The following TMEM131 variants were observed in gnomAD, a reference collection of about 807,000 sequenced individuals.
TMEM131 encodes transmembrane protein 131.
Under a neutral mutation model 211.6 loss-of-function variants are expected in TMEM131, and 66 were observed. The ratio of observed to expected loss-of-function variants is 0.31; its 90% confidence interval spans 0.26 to 0.38. TMEM131 has a LOEUF of 0.38. TMEM131 is among the 10% of genes least tolerant of loss of function. The pLI is 1.00. For missense variants in TMEM131, 2,036 were observed against 2,299.3 expected (o/e 0.89, Z 2.34); for synonymous variants, 844 against 841.3 (o/e 1.00, Z -0.06).
chr2:97,789,866 C>T (rs75679125), intron 31 of TMEM131, among the ~76,000 whole-genome samples: 1,816 of 152,252 alleles, frequency 0.012, 39 homozygotes, highest in African/African-American at 0.041. Flanking sequence ...CATGAACAGG[C>T]GGCATTTCTG....
intron 3 of TMEM131, among the ~76,000 whole-genome samples, chr2:97,895,890 T>C (rs1405481534): frequency 6.6e-6 from 1 of 152,208 alleles, no homozygotes; most frequent in Non-Finnish European, 1.5e-5. Context: ...ATCTTAGTTA[T>C]TTCTTATCTT....
intron 31 of TMEM131, among the ~76,000 whole-genome samples, chr2:97,791,993 C>G (rs1312856552): frequency 6.6e-6 from 1 of 152,190 alleles, no homozygotes; most frequent in Non-Finnish European, 1.5e-5. Flanking sequence ...TAACTGTAGT[C>G]TGCCAACCCC....
chr2:97,917,125 A>AT (rs1676539948), intron 2 of TMEM131, among the ~76,000 whole-genome samples: 1 of 152,196 alleles, frequency 6.6e-6, no homozygotes, highest in African/African-American at 2.4e-5. Flanking sequence ...TTGGTAATCT[A>AT]TTAGCCCATG....
At chr2:97,879,342 G>A (rs1426662722) in intron 4 of TMEM131, among the ~76,000 whole-genome samples, 2 of 152,196 alleles carry the variant, frequency 1.3e-5, no homozygotes, top group African/African-American at 4.8e-5. Flanking sequence ...GGTGCCAGCT[G>A]CATCTCTGAC....
intron 4 of TMEM131, among the ~76,000 whole-genome samples, chr2:97,887,079 T>C (rs1352508049): frequency 6.6e-6 from 1 of 152,104 alleles, no homozygotes; most frequent in Non-Finnish European, 1.5e-5. Context: ...GGGCTGTTTC[T>C]CAGGGTGGGG....
At chr2:97,832,835 T>C (rs746382728) in intron 11 of TMEM131, among the ~76,000 whole-genome samples, 4 of 152,218 alleles carry the variant, frequency 2.6e-5, no homozygotes, top group East Asian at 3.8e-4. Flanking sequence ...TTACTCTGTA[T>C]GTATGTGTGA....
intron 18 of TMEM131, among the ~76,000 whole-genome samples, chr2:97,810,506 C>A (rs1444344743): frequency 6.6e-6 from 1 of 152,026 alleles, no homozygotes; most frequent in African/African-American, 2.4e-5. Context: ...TCTATGAGGG[C>A]AAAGGTGGTA....
intron 2 of TMEM131, among the ~76,000 whole-genome samples, chr2:97,919,715 C>T (rs1676662310): frequency 6.6e-6 from 1 of 152,162 alleles, no homozygotes; most frequent in Non-Finnish European, 1.5e-5. Flanking sequence ...GGATTACAGG[C>T]ATGTGCCACC....
intron 31 of TMEM131, among the ~76,000 whole-genome samples, chr2:97,779,913 A>G (rs984931273): frequency 5.9e-5 from 9 of 152,136 alleles, no homozygotes; most frequent in African/African-American, 2.2e-4. Context: ...CTAGCTACTC[A>G]GAAGGCTGAG....
At chr2:97,993,956 T>G (rs545765691) in intron 1 of TMEM131, among the ~76,000 whole-genome samples, 1 of 152,288 alleles carries the variant, frequency 6.6e-6, no homozygotes, top group East Asian at 1.9e-4. Context: ...TTCAATTCCC[T>G]GTGCTAAGGG....
chr2:97,838,084 C>T (rs558065500), intron 7 of TMEM131, among the ~76,000 whole-genome samples: 3 of 152,294 alleles, frequency 2.0e-5, no homozygotes, highest in East Asian at 1.9e-4. Context: ...GACTATACCG[C>T]AGTTTTTCAA....
chr2:97,969,556 T>A (rs1344794031), intron 1 of TMEM131, among the ~76,000 whole-genome samples: 1 of 152,250 alleles, frequency 6.6e-6, no homozygotes, highest in South Asian at 2.1e-4. Context: ...CTAAGAATGA[T>A]GTATCTTTCT....
chr2:97,793,432 C>T lies in TMEM131; in HGVS notation c.3508G>A (p.Asp1170Asn). The change falls in exon 30 of 41, where the codon GAT becomes AAT. Residue 1170 changes from aspartate to asparagine, a missense_variant. Asp to Asn is a conservative substitution (Grantham distance 23). Transcript: ENST00000186436. Reference sequence around the variant, plus strand: ...GAAATACCAACGATTCTCCTGAGATCAAATGGCCTTCCCACATCGAAGGGC... The same window carrying T: ...GAAATACCAACGATTCTCCTGAGATTAAATGGCCTTCCCACATCGAAGGGC... ...NPPFDVGRPF[D>N]LRRIVGISSE... 1 of 1,613,914 alleles carries T rather than the reference C, an allele frequency of 6.2e-7. No homozygotes were observed. The highest frequency in any genetic ancestry group is 8.5e-7 in the Non-Finnish European group (1 of 1,179,860).
chr2:97,927,467 T>A lies in TMEM131; in HGVS notation c.208A>T (p.Ile70Leu), dbSNP rs758776185. Residue 70 changes from isoleucine (I) to leucine (L), a missense_variant, in exon 2 of 41, where the codon ATA (isoleucine) becomes TTA (leucine). Physicochemically the swap from Ile to Leu is conservative, Grantham distance 5. This residue lies in a region of TMEM131 where 136 missense variants were observed against 115.4 expected (regional missense o/e 1.18). Coordinates refer to ENST00000186436, the MANE Select transcript of TMEM131 (RefSeq NM_015348.2). ...TCATCAAAACGCAGTACTTCTATTATGCTCTCTGACTGAACGAATGCTGTG... is the reference window on the plus strand; with the variant it reads ...TCATCAAAACGCAGTACTTCTATTAAGCTCTCTGACTGAACGAATGCTGTG... The part of the protein sequence containing the change: ...EKEAFVQSES[I>L]IEVLRFDDGG... The A allele has an allele frequency of 3.1e-6, 5 of 1,590,524 alleles. No homozygotes were observed. The African/African-American group carries it at 6.7e-5, about 21-fold the overall frequency.
intron 2 of TMEM131, among the ~76,000 whole-genome samples, chr2:97,910,367 CCCACTTCTGTGTATATA>C (rs1676244897): frequency 6.6e-6 from 1 of 152,144 alleles, no homozygotes; most frequent in Non-Finnish European, 1.5e-5. Flanking sequence ...GACCCGCAAT[CCCACTTCTGTGTATATA>C]CCCTAAAGAA....
chr2:97,766,044 A>G, intron 35 of TMEM131, 70 bp downstream of exon 35: 1 of 1,577,908 alleles, frequency 6.3e-7, no homozygotes, highest in Non-Finnish European at 8.6e-7. Context: ...GCCCCTGAAG[A>G]GTTCCATGCC....
chr2:97,859,524 T>C, intron 4 of TMEM131, 97 bp from the exon 5 acceptor site: 1 of 964,626 alleles, frequency 1.0e-6, no homozygotes, highest in South Asian at 2.1e-5. Context: ...GACAAATACA[T>C]AGCTAAATAT....
intron 1 of TMEM131, among the ~76,000 whole-genome samples, chr2:97,928,314 G>C (rs186653262): frequency 6.6e-6 from 1 of 152,130 alleles, no homozygotes; most frequent in East Asian, 1.9e-4. Flanking sequence ...GTGGTTGCTA[G>C]GAGATCAGGG....
At chr2:97,768,577 C>T (rs1213311077) in intron 33 of TMEM131, among the ~76,000 whole-genome samples, 1 of 152,068 alleles carries the variant, frequency 6.6e-6, no homozygotes, top group African/African-American at 2.4e-5. Flanking sequence ...AAATGGGTAA[C>T]GGCCAACTTA....
Sources: gnomAD v4.1 joint callset for allele counts (sites outside exome capture counted in the v4.1 genomes callset) on GRCh38, gnomAD v4.1.1 for gene constraint, gnomAD v4.1.1 regional missense constraint, MANE v1.5 for transcripts, NCBI Gene and HGNC (gene_info 2026-07-23, HGNC 2026-07-21) for gene names.